Variants in USH2A observed in about 807,000 individuals in gnomAD.
The protein encoded by USH2A is usherin.
USH2A carries 443 observed loss-of-function variants against 538.9 expected under a neutral mutation model. The observed-to-expected ratio is 0.82, with a 90% CI of 0.76 to 0.89. USH2A has a LOEUF of 0.89. USH2A is among the 40% of genes least tolerant of loss of function. USH2A has a pLI of 0.00. For synonymous variants in USH2A, 2,413 were observed against 2,273.5 expected (o/e 1.06, Z -1.75); for missense variants, 6,633 against 6,324.8 (o/e 1.05, Z -1.65).
At chr1:216,263,565 C>G (rs982024211) in intron 11 of USH2A, among the ~76,000 whole-genome samples, 6 of 152,120 alleles carry the variant, frequency 3.9e-5, no homozygotes, top group Admixed American at 1.3e-4. Context: ...TGATGAAATT[C>G]AACATCCCTT....
chr1:215,633,693 C>T (rs150217758), intron 70 of USH2A, among the ~76,000 whole-genome samples: 64 of 152,232 alleles, frequency 4.2e-4, no homozygotes, highest in African/African-American at 1.1e-3. Context: ...GCCCTGTGGG[C>T]GCCCAGCTTT....
In USH2A at chr1:216,084,741, T is replaced by C; in HGVS notation, c.5124A>G (p.Gly1708=). ...CTCCCTCATTTAATGAAGCGGGACATCCCTCCCAGCTGTTATACACGTTGA... is the reference window on the plus strand; with the variant it reads ...CTCCCTCATTTAATGAAGCGGGACACCCCTCCCAGCTGTTATACACGTTGA... ...EQINVYNSWE[G]CPASLNEGAQ... Residue 1708 remains glycine (G), a synonymous_variant, in exon 25 of 72, where the codon GGA becomes GGG. Coordinates refer to ENST00000307340, the MANE Select transcript of USH2A (RefSeq NM_206933.4). 2.5e-6 allele frequency: 4 copies of C among 1,613,444 alleles called. No individual in the cohort carries two copies. Among genetic ancestry groups the C allele is most frequent in the Non-Finnish European group, 3.4e-6 (4 of 1,179,644 alleles).
chr1:215,846,179 T>A lies in USH2A; in HGVS notation c.8846-146A>T, dbSNP rs747208015. 1.7e-4 allele frequency: 125 copies of A among 741,762 alleles called. 1 individual carries two copies. The highest frequency in any genetic ancestry group is 1.1e-3 in the South Asian group (66 of 60,602). 45.9% of individuals were successfully genotyped at this position (741,762 alleles called of 1,614,324 possible). A position where few individuals can be genotyped will look rare whatever the true frequency, so the allele number is the denominator to read the frequency against. On this transcript the variant is annotated intron_variant, in intron 44 of 71. Transcript: ENST00000307340. ...AATGTTAAAAAAAGCTTATGAGATC[T>A]CCTTTTTGGTGGTGCTGGTGGTGAT...
At chr1:216,212,537 A>G (rs1157524412) in intron 15 of USH2A, among the ~76,000 whole-genome samples, 1 of 152,146 alleles carries the variant, frequency 6.6e-6, no homozygotes, top group African/African-American at 2.4e-5. Flanking sequence ...GGGAACCACC[A>G]GCTTGAATCT....
At chr1:215,780,172 T>G (rs1246953806) in intron 54 of USH2A, 131 bp from the exon 55 acceptor site, 1 of 1,031,020 alleles carries the variant, frequency 9.7e-7, no homozygotes, top group Non-Finnish European at 1.4e-6. Context: ...GGAGAAGCAT[T>G]TCCCTTTTTT....
At chr1:216,390,031 A>G (rs922192628) in intron 3 of USH2A, among the ~76,000 whole-genome samples, 9 of 152,286 alleles carry the variant, frequency 5.9e-5, no homozygotes, top group African/African-American at 2.2e-4. Context: ...AGTAAGAAAG[A>G]GAAAGTATGC....
At chr1:216,355,490 A>G (rs1183159319) in intron 4 of USH2A, among the ~76,000 whole-genome samples, 1 of 152,160 alleles carries the variant, frequency 6.6e-6, no homozygotes, top group Non-Finnish European at 1.5e-5. Flanking sequence ...GTTCTAAAAG[A>G]AGTAACAGTA....
At position 215,919,467 on chromosome 1, in the gene USH2A, T is replaced by C. The variant is rs866532201; in HGVS notation, c.7300+15149A>G. ...AACTTGCCGAAGCTCTTACAGCTAG[T>C]AGGAGGGGGGAAATTAAGATTTGAA... On this transcript the variant is annotated intron_variant, in intron 38 of 71. Transcript: ENST00000307340. Among the ~76,000 whole-genome samples the C allele has an allele frequency of 5.9e-5, 9 of 152,156 alleles. 1 individual carries two copies. Among genetic ancestry groups the C allele is most frequent in the Middle Eastern group, 6.9e-3 (2 of 290 alleles).
chr1:216,415,598 C>T (rs2039565339), intron 3 of USH2A, among the ~76,000 whole-genome samples: 1 of 149,642 alleles, frequency 6.7e-6, no homozygotes. Flanking sequence ...TCACTGAAGC[C>T]TTGACTTCCA....
At chr1:215,771,575 G>A (rs1010389337) in intron 55 of USH2A, among the ~76,000 whole-genome samples, 1 of 49,620 alleles carries the variant, frequency 2.0e-5, no homozygotes, top group Non-Finnish European at 3.6e-5. Flanking sequence ...GCGAGACTCC[G>A]TCTCAAAAAA....
At chr1:215,649,069 C>T (rs563492584) in intron 65 of USH2A, among the ~76,000 whole-genome samples, 168 of 152,234 alleles carry the variant, frequency 1.1e-3, no homozygotes, top group African/African-American at 3.9e-3. Context: ...GAAAATGGCA[C>T]GGAACACACA....
intron 43 of USH2A, among the ~76,000 whole-genome samples, chr1:215,876,333 A>G (rs181982755): frequency 7.0e-4 from 107 of 152,310 alleles, no homozygotes; most frequent in African/African-American, 2.5e-3. Flanking sequence ...TCTCTCTGAG[A>G]ATCTTACAAG....
chr1:216,159,637 T>C (rs1212537074), intron 21 of USH2A, among the ~76,000 whole-genome samples: 1 of 152,094 alleles, frequency 6.6e-6, no homozygotes, highest in Admixed American at 6.6e-5. Flanking sequence ...TTAATTTCTT[T>C]GTCAGATTTT....
intron 20 of USH2A, among the ~76,000 whole-genome samples, chr1:216,178,900 G>A (rs1410846460): frequency 6.6e-6 from 1 of 152,010 alleles, no homozygotes; most frequent in Non-Finnish European, 1.5e-5. Context: ...CTACCATACT[G>A]GACACCAAAG....
intron 40 of USH2A, among the ~76,000 whole-genome samples, chr1:215,890,914 C>T (rs1665192557): frequency 6.6e-6 from 1 of 152,178 alleles, no homozygotes; most frequent in Admixed American, 6.5e-5. Context: ...CTCACCCTCT[C>T]TTCCCCAAAG....
intron 58 of USH2A, among the ~76,000 whole-genome samples, chr1:215,748,793 T>C (rs964491698): frequency 1.3e-5 from 2 of 152,198 alleles, no homozygotes; most frequent in Non-Finnish European, 2.9e-5. Flanking sequence ...AGCTACCTCA[T>C]AGAGAGTTGT....
chr1:216,014,262 T>C (rs531629027), intron 32 of USH2A, among the ~76,000 whole-genome samples: 3 of 151,956 alleles, frequency 2.0e-5, no homozygotes, highest in African/African-American at 7.2e-5. Flanking sequence ...ATGTGTAAAA[T>C]GTATGAATGG....
At chr1:216,336,451 G>A (rs2037976884) in intron 4 of USH2A, among the ~76,000 whole-genome samples, 1 of 151,166 alleles carries the variant, frequency 6.6e-6, no homozygotes, top group Admixed American at 6.6e-5. Context: ...TGAAAAAGTA[G>A]AAGTAAAACT....
At chr1:215,676,064 A>G (rs1658013896) in intron 62 of USH2A, among the ~76,000 whole-genome samples, 1 of 152,156 alleles carries the variant, frequency 6.6e-6, no homozygotes, top group Non-Finnish European at 1.5e-5. Context: ...TACAACGCTT[A>G]ATCATTTGTT....
Sources: allele counts gnomAD v4.1 joint callset (sites outside exome capture counted in the v4.1 genomes callset), GRCh38; gene constraint gnomAD v4.1.1; transcripts MANE v1.5; gene names NCBI Gene and HGNC (gene_info 2026-07-23, HGNC 2026-07-21).